Variants in RFX1 observed in about 807,000 individuals in gnomAD.
RFX1 encodes regulatory factor X1, also known as MHC class II regulatory factor RFX1.
RFX1 carries 42 observed loss-of-function variants against 119.6 expected under a neutral mutation model. The observed-to-expected ratio is 0.35, with a 90% CI of 0.27 to 0.45. RFX1 has a LOEUF of 0.45. Ranked by LOEUF, RFX1 falls within the 20% of genes least tolerant of loss-of-function variation. The probability of loss-of-function intolerance (pLI) is 1.00; values close to 1 mark genes in which losing one functional copy is unlikely to be tolerated. For synonymous variants in RFX1, 628 were observed against 618.5 expected (o/e 1.02, Z -0.23); for missense variants, 1,118 against 1,368.1 (o/e 0.82, Z 2.88).
At chr19:13,975,183 C>G (rs746542073) in intron 8 of RFX1, among the ~76,000 whole-genome samples, 1 of 151,902 alleles carries the variant, frequency 6.6e-6, no homozygotes, top group South Asian at 2.1e-4. Context: ...TGATGAAACC[C>G]TCTCTCTACT....
intron 1 of RFX1, among the ~76,000 whole-genome samples, chr19:13,999,225 G>A (rs1975133032): frequency 1.3e-5 from 2 of 152,156 alleles, no homozygotes; most frequent in South Asian, 4.1e-4. Flanking sequence ...TATGGAGCCT[G>A]GCACACAAAA....
chr19:13,973,360 C>G (rs1053867199), intron 8 of RFX1, among the ~76,000 whole-genome samples: 1 of 152,136 alleles, frequency 6.6e-6, no homozygotes, highest in Non-Finnish European at 1.5e-5. Context: ...GCCTGTAATT[C>G]CAGCACTTTG....
chr19:13,965,683 C>T lies in RFX1; in HGVS notation c.2056G>A (p.Val686Met), dbSNP rs201598179. 2.0e-5 allele frequency: 32 copies of T among 1,613,918 alleles called. No homozygotes were observed. The highest frequency in any genetic ancestry group is 3.3e-4 in the Middle Eastern group (2 of 6,062). ...VLQWTKHCDN[V>M]LYQGLVEILI... is the part of the protein sequence containing the mutation. ...ATTTCCACCAGGCCCTGGTACAGCA[C>T]GTTGTCACAGTGCTTGGTCCATTGG... The change falls in exon 15 of 21, where the codon GTG (valine) becomes ATG (methionine). Residue 686 changes from valine (V) to methionine (M), a missense_variant. By Grantham distance (21) the Val-to-Met change is conservative (BLOSUM62 1). Around this residue, in one of 5 missense-constraint regions of RFX1, gnomAD observed 338 missense variants for 508.9 expected, o/e 0.66. Coordinates refer to ENST00000254325, the MANE Select transcript of RFX1 (RefSeq NM_002918.5). This position sits in a 1 kb window ranked among gnomAD's most constrained non-coding sequence, Gnocchi z 4.7.
At chr19:14,001,750 C>G (rs1021786959) in intron 1 of RFX1, among the ~76,000 whole-genome samples, 2 of 152,252 alleles carry the variant, frequency 1.3e-5, no homozygotes, top group Non-Finnish European at 2.9e-5. Context: ...CCTGTAATCC[C>G]AATATTTTGG....
rs747196120 is a variant in RFX1 at position 13,993,789 on chromosome 19, G to A, written c.55C>T (p.Pro19Ser). The change falls in exon 2 of 21, where the codon CCA becomes TCA. Residue 19 changes from proline (P) to serine (S), a missense_variant. This residue lies in a region of RFX1 where 542 missense variants were observed against 602.7 expected (regional missense o/e 0.90). Coordinates refer to ENST00000254325, the MANE Select transcript of RFX1 (RefSeq NM_002918.5). ...GGCTGGGCTTGTGGCGGGGCCTGTG[G>A]CGGCTGGGATGGTGGCGGGGCTGCC... ...LQAAPPPSQPPQAPPQAQPQP... is the reference protein window; with the variant it reads ...LQAAPPPSQPSQAPPQAQPQP... 6.3e-7 allele frequency: 1 copy of A among 1,592,568 alleles called. No homozygotes were observed. The highest frequency in any genetic ancestry group is 1.7e-5 in the Admixed American group (1 of 57,894).
At position 13,969,954 on chromosome 19, in the gene RFX1, A is replaced by G. The variant is rs774674518; in HGVS notation, c.1496+40T>C. 11 of 1,543,968 alleles carry G rather than the reference A, an allele frequency of 7.1e-6. No individual in the cohort carries two copies. In the South Asian group the frequency reaches 1.1e-4, roughly 15 times the overall value. ...GGGGGTGGGCCTTGGCATGCCCACCAATTCCCCAGGGACTGCTGGGAGTAG... is the reference window on the plus strand; with the variant it reads ...GGGGGTGGGCCTTGGCATGCCCACCGATTCCCCAGGGACTGCTGGGAGTAG... On this transcript the variant is annotated intron_variant, in intron 10 of 20. Coordinates refer to ENST00000254325, the MANE Select transcript of RFX1 (RefSeq NM_002918.5). The surrounding 1 kb of genome is among the most constrained non-coding windows in gnomAD (Gnocchi z 4.5).
At chr19:13,991,516 C>A (rs1900574288) in intron 2 of RFX1, among the ~76,000 whole-genome samples, 1 of 152,178 alleles carries the variant, frequency 6.6e-6, no homozygotes, top group Non-Finnish European at 1.5e-5. Context: ...TAAAGAGTCA[C>A]TGCCCTGAGT....
intron 2 of RFX1, among the ~76,000 whole-genome samples, chr19:13,991,839 T>G (rs561205410): frequency 1.1e-4 from 16 of 152,082 alleles, no homozygotes; most frequent in Non-Finnish European, 1.6e-4. Flanking sequence ...TTTTTATATT[T>G]TTAGTATAGA....
At position 13,973,131 on chromosome 19, in the gene RFX1, G is replaced by T. The variant is rs376203395; in HGVS notation, c.930-4C>A. ...ATAGGAGTAGGTGCTGGAACGGCTG[G>T]GAAAGAGGCAAAGCCAAGGGAGAGT... On this transcript the variant is annotated splice_polypyrimidine_tract_variant and splice_region_variant and intron_variant, in intron 8 of 20. Transcript: ENST00000254325. The T allele has an allele frequency of 3.8e-6, 6 of 1,586,780 alleles. No homozygotes were observed. The highest frequency in any genetic ancestry group is 1.7e-4 in the Middle Eastern group (1 of 5,892).
chr19:13,962,758 C>CGGCTCCA lies in RFX1; in HGVS notation c.2870_2876dup (p.Pro960GlyfsTer10). 6.5e-7 allele frequency: 1 copy of CGGCTCCA among 1,530,140 alleles called. No individual in the cohort carries two copies. Among genetic ancestry groups the CGGCTCCA allele is most frequent in the Non-Finnish European group, 8.7e-7 (1 of 1,143,440 alleles). 94.8% of individuals were successfully genotyped at this position (1,530,140 alleles called of 1,614,324 possible). ...CGTCAGTCCGCGCCAGCTTGGCCGG[C>CGGCTCCA]GGCTCCAGGGTCTCCGGGCCCAGCG... On this transcript the variant is annotated frameshift_variant, in exon 21 of 21. Transcript: ENST00000254325. LOFTEE classifies it high-confidence loss of function.
At position 13,982,935 on chromosome 19, in the gene RFX1, G is replaced by A. The variant is rs188143865; in HGVS notation, c.513+252C>T. Reference sequence around the variant, plus strand: ...TGCTTCGGGACACTGGGTTGGACCCGCAAACCACCTTCCCAACTATACATC... The same window carrying A: ...TGCTTCGGGACACTGGGTTGGACCCACAAACCACCTTCCCAACTATACATC... On this transcript the variant is annotated intron_variant, in intron 4 of 20. Transcript: ENST00000254325. 1.2e-3 allele frequency: 625 copies of A among 516,184 alleles called. 2 individuals are homozygous for A. The highest frequency in any genetic ancestry group is 1.6e-3 in the Non-Finnish European group (473 of 290,044). The allele number at this position is 516,184 out of a possible 1,614,324, so 32.0% of individuals were successfully genotyped here. A position where few individuals can be genotyped will look rare whatever the true frequency, so the allele number is the denominator to read the frequency against.
Position 13,993,896 on chromosome 19 carries a change from C to G in RFX1, c.-52-1G>C. 2.2e-6 allele frequency: 3 copies of G among 1,374,234 alleles called. No homozygotes were observed. Among genetic ancestry groups the G allele is most frequent in the Middle Eastern group, 4.0e-4 (2 of 4,990 alleles). The allele number at this position is 1,374,234 out of a possible 1,614,324, so 85.1% of individuals were successfully genotyped here. ...TAAGGCTTTTTTTTTTTTTTAATTC[C>G]TTGGGAAGAAAGACGGGGATGGGGG... On this transcript the variant is annotated splice_acceptor_variant, in intron 1 of 20. Transcript: ENST00000254325. LOFTEE classifies it low-confidence loss of function (5UTR_SPLICE).
In RFX1 at chr19:13,979,611, C is replaced by G; in HGVS notation, c.739-69G>C. The G allele has an allele frequency of 9.9e-6, 11 of 1,105,740 alleles. No individual in the cohort carries two copies. The South Asian group carries it at 1.6e-4, about 16-fold the overall frequency. The allele number at this position is 1,105,740 out of a possible 1,614,324, so 68.5% of individuals were successfully genotyped here. A position where few individuals can be genotyped will look rare whatever the true frequency, so the allele number is the denominator to read the frequency against. On this transcript the variant is annotated intron_variant, in intron 6 of 20. Transcript: ENST00000254325. ...GCCGTCAACCTACCCAGCCCCTGCACAGGTGAGCTTCTGTAAAGCTCACAG... is the reference window on the plus strand; with the variant it reads ...GCCGTCAACCTACCCAGCCCCTGCAGAGGTGAGCTTCTGTAAAGCTCACAG...
chr19:14,005,473 C>A, intron 1 of RFX1, among the ~76,000 whole-genome samples: 1 of 152,142 alleles, frequency 6.6e-6, no homozygotes, highest in Non-Finnish European at 1.5e-5. Context: ...CAAAGATAAG[C>A]CGTAAGTAAA....
Position 13,966,036 on chromosome 19 carries a change from C to G in RFX1, c.1962-259G>C, listed in dbSNP as rs1468819811. Among the ~76,000 whole-genome samples, 1 of 152,084 alleles carries G rather than the reference C, an allele frequency of 6.6e-6. No homozygotes were observed. Among genetic ancestry groups the G allele is most frequent in the African/African-American group, 2.4e-5 (1 of 41,392 alleles). ...GGGTCACTGGGGGCACTCTGTGGCC[C>G]TGCCCCCAGCGTCAGAAGGGCACAG... On this transcript the variant is annotated intron_variant, in intron 14 of 20. Transcript: ENST00000254325. This position sits in a 1 kb window ranked among gnomAD's most constrained non-coding sequence, Gnocchi z 6.3.
At chr19:13,982,334 T>A in intron 4 of RFX1, 106 bp from the exon 5 acceptor site, 1 of 536,400 alleles carries the variant, frequency 1.9e-6, no homozygotes, top group Non-Finnish European at 2.9e-6. Flanking sequence ...TTCACGCCTG[T>A]TAGCTCACAG....
intron 1 of RFX1, among the ~76,000 whole-genome samples, chr19:14,000,833 G>T (rs986306963): frequency 6.6e-6 from 1 of 152,070 alleles, no homozygotes; most frequent in African/African-American, 2.4e-5. Context: ...GGCGGCTCAC[G>T]CCTGTAATCT....
chr19:13,972,463 G>A (rs377103118), intron 9 of RFX1, among the ~76,000 whole-genome samples: 13 of 152,094 alleles, frequency 8.5e-5, no homozygotes, highest in East Asian at 3.9e-4. Flanking sequence ...CAAAGTCCTG[G>A]GATTACAGGT....
intron 8 of RFX1, among the ~76,000 whole-genome samples, chr19:13,977,376 A>G (rs573128137): frequency 6.6e-6 from 1 of 152,172 alleles, no homozygotes; most frequent in Non-Finnish European, 1.5e-5. Context: ...AGAAACAAAG[A>G]AACAGGTCAC....
Sources: gnomAD v4.1 joint callset for allele counts (sites outside exome capture counted in the v4.1 genomes callset) on GRCh38, gnomAD v4.1.1 for gene constraint, gnomAD v4.1.1 regional missense constraint, Gnocchi (gnomAD v3.1) non-coding constraint, MANE v1.5 for transcripts, NCBI Gene and HGNC (gene_info 2026-07-23, HGNC 2026-07-21) for gene names.